Variants in FHIT observed in about 807,000 individuals in gnomAD.
FHIT encodes fragile histidine triad diadenosine triphosphatase.
FHIT carries 19 observed loss-of-function variants against 17.9 expected under a neutral mutation model. The observed-to-expected ratio is 1.06, with a 90% confidence interval of 0.74 to 1.56. The LOEUF (loss-of-function observed/expected upper bound fraction) is 1.56. Among genes scored for constraint, FHIT ranks in the 40% most tolerant of loss-of-function variants. FHIT has a pLI of 0.00. For synonymous variants in FHIT, 81 were observed against 69.7 expected, an observed-to-expected ratio of 1.16 and a Z score of -0.81; for missense variants, 248 against 189.2, an observed-to-expected ratio of 1.31 and a Z score of -1.82.
intron 5 of FHIT, among the ~76,000 whole-genome samples, chr3:60,319,025 C>G (rs973039509): frequency 2.6e-5 from 4 of 152,078 alleles, no homozygotes; most frequent in Non-Finnish European, 4.4e-5. Flanking sequence ...CTTCCTCCTG[C>G]CTTCCTCTTC....
chr3:59,910,235 G>C (rs1207481579), intron 8 of FHIT, among the ~76,000 whole-genome samples: 3 of 152,190 alleles, frequency 2.0e-5, no homozygotes, highest in Non-Finnish European at 4.4e-5. Flanking sequence ...GCAAAGGCAA[G>C]AAGACTCTAA....
At chr3:60,953,951 C>G (rs943970684) in intron 3 of FHIT, among the ~76,000 whole-genome samples, 2 of 152,168 alleles carry the variant, frequency 1.3e-5, no homozygotes, top group African/African-American at 4.8e-5. Flanking sequence ...AAATCAACCA[C>G]GAAGGATAAA....
intron 5 of FHIT, among the ~76,000 whole-genome samples, chr3:60,417,097 A>AG (rs1213990129): frequency 4.8e-4 from 72 of 151,266 alleles, no homozygotes; most frequent in South Asian, 2.7e-3. Flanking sequence ...TCAGAAAGAA[A>AG]AAAAAAAAAA....
chr3:60,861,024 G>GTA (rs1419949063), intron 3 of FHIT, among the ~76,000 whole-genome samples: 3 of 97,658 alleles, frequency 3.1e-5, no homozygotes, highest in African/African-American at 1.1e-4. Context: ...ACATATATAC[G>GTA]TATATCATGT....
At chr3:60,527,991 T>C (rs1003621214) in intron 5 of FHIT, among the ~76,000 whole-genome samples, 6 of 152,236 alleles carry the variant, frequency 3.9e-5, no homozygotes, top group African/African-American at 1.4e-4. Context: ...AATTTTTGTT[T>C]CAGAAAGGTT....
intron 5 of FHIT, among the ~76,000 whole-genome samples, chr3:60,116,892 T>TG (rs1364419669): frequency 1.3e-5 from 2 of 151,890 alleles, no homozygotes; most frequent in African/African-American, 2.4e-5. Flanking sequence ...CTTCTATTTT[T>TG]TGAGTTATTT....
intron 5 of FHIT, among the ~76,000 whole-genome samples, chr3:60,059,966 C>A (rs372060893): frequency 2.6e-5 from 4 of 152,122 alleles, no homozygotes; most frequent in African/African-American, 9.7e-5. Flanking sequence ...AAGCATTAAC[C>A]GTGCTCCATG....
intron 5 of FHIT, among the ~76,000 whole-genome samples, chr3:60,224,560 C>T (rs997377936): frequency 6.6e-6 from 1 of 151,952 alleles, no homozygotes; most frequent in Non-Finnish European, 1.5e-5. Flanking sequence ...CCATGAAGGC[C>T]CAGTTCACCG....
intron 7 of FHIT, among the ~76,000 whole-genome samples, chr3:59,984,092 G>C (rs914990614): frequency 6.6e-6 from 1 of 152,004 alleles, no homozygotes. Context: ...AATATTCCAA[G>C]GTGAAACTCA....
At chr3:60,157,383 C>G (rs930086541) in intron 5 of FHIT, among the ~76,000 whole-genome samples, 2 of 152,266 alleles carry the variant, frequency 1.3e-5, no homozygotes, top group African/African-American at 4.8e-5. Context: ...TGTGAAGTCA[C>G]AATTCTCTGG....
At chr3:59,809,065 C>T (rs1700314320) in intron 8 of FHIT, among the ~76,000 whole-genome samples, 1 of 152,138 alleles carries the variant, frequency 6.6e-6, no homozygotes. Context: ...AGCTTTGTGT[C>T]TAGGGCTTAA....
chr3:59,974,678 T>C (rs929346591), intron 7 of FHIT, among the ~76,000 whole-genome samples: 1 of 152,142 alleles, frequency 6.6e-6, no homozygotes, highest in Non-Finnish European at 1.5e-5. Flanking sequence ...AAATGACTGC[T>C]GTGTGCACAG....
At chr3:61,097,276 G>A (rs1424361862) in intron 2 of FHIT, among the ~76,000 whole-genome samples, 1 of 152,104 alleles carries the variant, frequency 6.6e-6, no homozygotes, top group African/African-American at 2.4e-5. Context: ...AGCGAGAGCC[G>A]AAGCAGGGCA....
At chr3:60,774,980 A>T (rs1700172001) in intron 4 of FHIT, among the ~76,000 whole-genome samples, 1 of 152,232 alleles carries the variant, frequency 6.6e-6, no homozygotes, top group African/African-American at 2.4e-5. Flanking sequence ...TTGAAACAGC[A>T]GATAATGGGG....
At chr3:60,239,619 T>G (rs1705021484) in intron 5 of FHIT, among the ~76,000 whole-genome samples, 1 of 152,156 alleles carries the variant, frequency 6.6e-6, no homozygotes, top group Admixed American at 6.5e-5. Flanking sequence ...TGAAGAGGCT[T>G]TAGAGTTCCT....
rs1308862521 is a variant in FHIT at position 60,376,418 on chromosome 3, G to A, written c.103+160442C>T. ...AACTTTCTGGAAAAGTCCAGAAAAT[G>A]CCACCAGAAATTATAAAAATCAGTG... On this transcript the variant is annotated intron_variant, in intron 5 of 9. Transcript: ENST00000492590. Among the ~76,000 whole-genome samples, 3 of 152,200 alleles carry A rather than the reference G, an allele frequency of 2.0e-5. No individual in the cohort carries two copies. The East Asian group carries it at 5.8e-4, about 29-fold the overall frequency.
At chr3:60,868,681 T>C (rs1553754388) in intron 3 of FHIT, among the ~76,000 whole-genome samples, 1 of 152,180 alleles carries the variant, frequency 6.6e-6, no homozygotes, top group African/African-American at 2.4e-5. Flanking sequence ...GATATGGCGA[T>C]ACATTTTAGC....
At chr3:60,258,638 G>C (rs1706140671) in intron 5 of FHIT, among the ~76,000 whole-genome samples, 1 of 152,048 alleles carries the variant, frequency 6.6e-6, no homozygotes, top group African/African-American at 2.4e-5. Flanking sequence ...TATAACAAAA[G>C]GTAGATCAAC....
intron 2 of FHIT, among the ~76,000 whole-genome samples, chr3:61,047,837 C>G (rs189073420): frequency 4.7e-4 from 58 of 123,464 alleles, no homozygotes; most frequent in Non-Finnish European, 4.3e-4. Context: ...CTACAACCAT[C>G]TGATCTTTGA....
Sources: gnomAD v4.1 joint callset for allele counts (sites outside exome capture counted in the v4.1 genomes callset) on GRCh38, gnomAD v4.1.1 for gene constraint, MANE v1.5 for transcripts, NCBI Gene and HGNC (gene_info 2026-07-23, HGNC 2026-07-21) for gene names.